Variants in MYO5B observed in about 807,000 individuals in gnomAD.
MYO5B encodes the protein unconventional myosin-Vb.
MYO5B carries 143 observed loss-of-function variants against 229.3 expected under a neutral mutation model. The observed-to-expected ratio is 0.62, with a 90% CI of 0.54 to 0.72. The LOEUF (loss-of-function observed/expected upper bound fraction) is 0.72, where lower values mean the gene tolerates loss of function less well. Ranked by LOEUF, MYO5B falls within the 30% of genes least tolerant of loss-of-function variation. The pLI, the probability that MYO5B is intolerant of heterozygous loss-of-function variation, is 0.00. For missense variants in MYO5B, 2,321 were observed against 2,331.0 expected (o/e 1.00, Z 0.09); for synonymous variants, 918 against 885.2 (o/e 1.04, Z -0.66).
intron 17 of MYO5B, among the ~76,000 whole-genome samples, chr18:49,928,401 TG>T (rs1175886031): frequency 6.6e-6 from 1 of 152,214 alleles, no homozygotes; most frequent in Non-Finnish European, 1.5e-5. Flanking sequence ...CCTAGCACTT[TG>T]GGAAGCTGAG....
intron 17 of MYO5B, among the ~76,000 whole-genome samples, chr18:49,925,454 C>T (rs2025118677): frequency 6.6e-6 from 1 of 152,230 alleles, no homozygotes; most frequent in South Asian, 2.1e-4. Flanking sequence ...TTCTAAGGAT[C>T]TCCTGAGGGC....
intron 12 of MYO5B, among the ~76,000 whole-genome samples, chr18:49,954,887 C>T (rs1423711287): frequency 1.3e-5 from 2 of 152,246 alleles, no homozygotes; most frequent in African/African-American, 4.8e-5. Flanking sequence ...CCTCCCTAAA[C>T]TCACCTAGAT....
At chr18:50,078,310 C>T (rs1348819716) in intron 1 of MYO5B, among the ~76,000 whole-genome samples, 7 of 152,138 alleles carry the variant, frequency 4.6e-5, no homozygotes, top group Admixed American at 6.5e-5. Flanking sequence ...ATTTACATCA[C>T]TATATGCCAT....
chr18:50,051,538 G>T (rs1397781911), intron 2 of MYO5B, among the ~76,000 whole-genome samples: 1 of 152,244 alleles, frequency 6.6e-6, no homozygotes, highest in Non-Finnish European at 1.5e-5. Flanking sequence ...GGCCTGCACA[G>T]AGGTGCTCCA....
intron 1 of MYO5B, among the ~76,000 whole-genome samples, chr18:50,164,433 C>T (rs148219870): frequency 9.0e-4 from 137 of 152,270 alleles, no homozygotes; most frequent in East Asian, 6.2e-3. Context: ...ACCAACACAG[C>T]GTAACTGACA....
At chr18:49,950,420 A>G (rs12959341) in intron 14 of MYO5B, among the ~76,000 whole-genome samples, 54,152 of 152,136 alleles carry the variant, frequency 0.36, 10,730 homozygotes, top group Middle Eastern at 0.58. Context: ...AACCATCATC[A>G]ATCTGCTTCT....
At chr18:50,079,609 G>GA (rs1296848378) in intron 1 of MYO5B, among the ~76,000 whole-genome samples, 1 of 152,186 alleles carries the variant, frequency 6.6e-6, no homozygotes, top group Non-Finnish European at 1.5e-5. Flanking sequence ...TGGAGAATAT[G>GA]AATGGATGAC....
At chr18:50,048,587 C>G (rs558470891) in intron 2 of MYO5B, among the ~76,000 whole-genome samples, 5 of 152,064 alleles carry the variant, frequency 3.3e-5, no homozygotes, top group African/African-American at 1.2e-4. Context: ...AGCACCCACT[C>G]GACAAAAGTA....
At position 49,864,498 on chromosome 18, in the gene MYO5B, A is replaced by G. The variant is rs1285051302; in HGVS notation, c.3604-118T>C. Reference sequence around the variant, plus strand: ...GGGAAACTTCGCTCTTTAAACGTTGACACACATGGAAAGTTCTGACTGCCA... The same window carrying G: ...GGGAAACTTCGCTCTTTAAACGTTGGCACACATGGAAAGTTCTGACTGCCA... On this transcript the variant is annotated intron_variant, in intron 27 of 39. Coordinates refer to ENST00000285039, the MANE Select transcript of MYO5B (RefSeq NM_001080467.3). 5.7e-6 allele frequency: 8 copies of G among 1,415,894 alleles called. No individual in the cohort carries two copies. In the East Asian group the frequency reaches 1.6e-4, roughly 28 times the overall value. The allele number at this position is 1,415,894 out of a possible 1,614,324, so 87.7% of individuals were successfully genotyped here.
chr18:50,175,959 G>A (rs1254732835), intron 1 of MYO5B, among the ~76,000 whole-genome samples: 1 of 152,188 alleles, frequency 6.6e-6, no homozygotes, highest in Non-Finnish European at 1.5e-5. Flanking sequence ...GGAAATACAT[G>A]AATTCCACAT....
rs1464842493 is a variant in MYO5B, at chr18:49,980,527, T to A, written c.973A>T (p.Ile325Phe). The A allele has an allele frequency of 1.9e-6, 3 of 1,613,634 alleles. No homozygotes were observed. In the African/African-American group the frequency reaches 4.0e-5, roughly 22 times the overall value. ...AAGATAGAAGCAATTATCTTAAAAATGCTCATCTGATGGGACTCTTTCACT... is the reference window on the plus strand; with the variant it reads ...AAGATAGAAGCAATTATCTTAAAAAAGCTCATCTGATGGGACTCTTTCACT... ...LGVKESHQMS[I>F]FKIIASILHL... The change falls in exon 9 of 40, where the codon ATT becomes TTT. Residue 325 changes from isoleucine to phenylalanine, a missense_variant. This residue lies in a region of MYO5B where 2,113 missense variants were observed against 2,044.7 expected (regional missense o/e 1.03). Coordinates refer to ENST00000285039, the MANE Select transcript of MYO5B (RefSeq NM_001080467.3).
intron 19 of MYO5B, 120 bp from the exon 20 acceptor site, chr18:49,904,948 CA>C (rs1461675657): frequency 1.7e-6 from 2 of 1,170,458 alleles, no homozygotes; most frequent in African/African-American, 3.0e-5. Flanking sequence ...TGGACACACC[CA>C]GGGGAAACCA....
chr18:50,109,642 G>A, intron 1 of MYO5B, among the ~76,000 whole-genome samples: 1 of 151,976 alleles, frequency 6.6e-6, no homozygotes, highest in East Asian at 1.9e-4. Context: ...TAGCCAGGAT[G>A]GTCTCGATCT....
At chr18:49,927,493 A>C (rs572076350) in intron 17 of MYO5B, among the ~76,000 whole-genome samples, 1 of 152,342 alleles carries the variant, frequency 6.6e-6, no homozygotes, top group East Asian at 1.9e-4. Flanking sequence ...ACCCAACTTC[A>C]AACTGTACTG....
chr18:49,987,888 T>A (rs1288353722), intron 7 of MYO5B, among the ~76,000 whole-genome samples: 1 of 152,128 alleles, frequency 6.6e-6, no homozygotes, highest in African/African-American at 2.4e-5. Context: ...TGCAGCTACT[T>A]CACAAAAGGG....
intron 10 of MYO5B, among the ~76,000 whole-genome samples, chr18:49,963,461 C>T (rs1463399394): frequency 6.6e-6 from 1 of 151,980 alleles, no homozygotes; most frequent in Non-Finnish European, 1.5e-5. Flanking sequence ...CTGACTCTGT[C>T]ACCCAGGCTG....
intron 10 of MYO5B, among the ~76,000 whole-genome samples, chr18:49,966,645 C>T (rs1303858767): frequency 6.6e-6 from 1 of 152,202 alleles, no homozygotes; most frequent in Admixed American, 6.5e-5. Context: ...CTAAGCTCCA[C>T]AGAGGATTTA....
rs1269442752 is a variant in MYO5B, at chr18:50,182,306, C to T, written c.27+12461G>A. Reference sequence around the variant, plus strand: ...TACATCTAACAGGACAGGTGGATATCCATACATGCCCCCACCTCATCATGC... The same window carrying T: ...TACATCTAACAGGACAGGTGGATATTCATACATGCCCCCACCTCATCATGC... On this transcript the variant is annotated intron_variant, in intron 1 of 39. Transcript: ENST00000285039. Among the ~76,000 whole-genome samples, 3 of 152,180 alleles carry T rather than the reference C, an allele frequency of 2.0e-5. No homozygotes were observed. In the East Asian group the frequency reaches 5.8e-4, roughly 29 times the overall value.
chr18:50,173,299 C>T (rs2032945429), intron 1 of MYO5B, among the ~76,000 whole-genome samples: 2 of 150,516 alleles, frequency 1.3e-5, no homozygotes, highest in South Asian at 4.2e-4. Context: ...AAAGAGGAGG[C>T]CAGTGCGGAT....
Sources: allele counts gnomAD v4.1 joint callset (sites outside exome capture counted in the v4.1 genomes callset), GRCh38; gene constraint gnomAD v4.1.1; regional missense constraint gnomAD v4.1.1; transcripts MANE v1.5; gene names NCBI Gene and HGNC (gene_info 2026-07-23, HGNC 2026-07-21).